Variants in CMYA5 observed in about 807,000 individuals in gnomAD.
CMYA5 encodes the protein cardiomyopathy-associated protein 5.
CMYA5 carries 246 observed loss-of-function variants against 318.9 expected under a neutral mutation model. The ratio of observed to expected loss-of-function variants is 0.77; its 90% confidence interval spans 0.70 to 0.86. The LOEUF (loss-of-function observed/expected upper bound fraction) is 0.86. Ranked by LOEUF, CMYA5 falls within the 40% of genes least tolerant of loss-of-function variation. The probability of loss-of-function intolerance (pLI) is 0.00; values close to 1 mark genes in which losing one functional copy is unlikely to be tolerated. For synonymous variants in CMYA5, 1,641 were observed against 1,729.5 expected, an observed-to-expected ratio of 0.95 and a Z score of 1.27; for missense variants, 4,589 against 4,678.2, an observed-to-expected ratio of 0.98 and a Z score of 0.56.
At chr5:79,742,140 C>T (rs2151089616) in intron 2 of CMYA5, among the ~76,000 whole-genome samples, 1 of 148,360 alleles carries the variant, frequency 6.7e-6, no homozygotes, top group Admixed American at 6.8e-5. Flanking sequence ...TCCTCCCCTT[C>T]TTCCTCCCCC....
At position 79,734,947 on chromosome 5, in the gene CMYA5, A is replaced by C. The variant is rs1041067088; in HGVS notation, c.6182A>C (p.Lys2061Thr). The change falls in exon 2 of 13, where the codon AAG (lysine) becomes ACG (threonine). Residue 2061 changes from lysine (K) to threonine (T), a missense_variant. Lys to Thr is a moderately conservative substitution (Grantham distance 78). This residue lies in a region of CMYA5 where 2,431 missense variants were observed against 2,495.1 expected (regional missense o/e 0.97). Transcript: ENST00000446378. ...PVSGLSVEQV[K>T]SETISSSVKT... ...TCTGGCCTATCAGTGGAACAGGTGA[A>C]GTCAGAAACAATCTCCTCTTCTGTC... is the stretch of plus-strand genomic sequence containing the variant. 2.0e-5 allele frequency: 32 copies of C among 1,613,706 alleles called. No individual in the cohort carries two copies. Among genetic ancestry groups the C allele is most frequent in the Non-Finnish European group, 2.7e-5 (32 of 1,179,798 alleles).
chr5:79,762,132 C>G (rs1200397116), intron 8 of CMYA5, 175 bp downstream of exon 8: 1 of 601,854 alleles, frequency 1.7e-6, no homozygotes, highest in Non-Finnish European at 2.7e-6. Flanking sequence ...AGCTCATGCT[C>G]AGGTGGGGAG....
chr5:79,769,122 C>T (rs1044814229), intron 9 of CMYA5, among the ~76,000 whole-genome samples: 3 of 151,878 alleles, frequency 2.0e-5, no homozygotes, highest in East Asian at 3.9e-4. Context: ...AAGAAGTTCT[C>T]GTGCTGTGTT....
chr5:79,797,272 A>T (rs778932351), intron 12 of CMYA5, among the ~76,000 whole-genome samples: 6 of 152,326 alleles, frequency 3.9e-5, no homozygotes, highest in Non-Finnish European at 8.8e-5. Flanking sequence ...GTCTCTCAGG[A>T]CTAGGGCCTC....
chr5:79,736,406 G>A lies in CMYA5; in HGVS notation c.7641G>A (p.Val2547=). 1.2e-6 allele frequency: 2 copies of A among 1,609,842 alleles called. No individual in the cohort carries two copies. The highest frequency in any genetic ancestry group is 1.7e-6 in the Non-Finnish European group (2 of 1,177,822). ...KGEEKENQVY[V]LSEGKKQQEH... ...AAGAAAAAGAAAATCAGGTATATGTGCTTTCAGAAGGAAAGAAGCAGCAGG... is the reference window on the plus strand; with the variant it reads ...AAGAAAAAGAAAATCAGGTATATGTACTTTCAGAAGGAAAGAAGCAGCAGG... The change falls in exon 2 of 13, where the codon GTG becomes GTA. Residue 2547 remains valine, a synonymous_variant. Coordinates refer to ENST00000446378, the MANE Select transcript of CMYA5 (RefSeq NM_153610.5).
rs201213886 is a variant in CMYA5 at position 79,789,021 on chromosome 5, A to G, written c.11606A>G (p.Asn3869Ser). The G allele has an allele frequency of 4.1e-5, 66 of 1,613,812 alleles. No homozygotes were observed. The highest frequency in any genetic ancestry group is 1.5e-4 in the Admixed American group (9 of 60,004). The change falls in exon 10 of 13, where the codon AAT becomes AGT. Residue 3869 changes from asparagine (N) to serine (S), a missense_variant. Physicochemically the swap from Asn to Ser is conservative, Grantham distance 46. Around this residue, in one of 3 missense-constraint regions of CMYA5, gnomAD observed 2,431 missense variants for 2,495.1 expected, o/e 0.97. Coordinates refer to ENST00000446378, the MANE Select transcript of CMYA5 (RefSeq NM_153610.5). ...GLQLKVNLQP[N>S]DNYFFYVRAI... ...CAGCTGAAAGTTAACCTCCAACCCAATGATAACTACTTTTTCTATGTGAGG... is the reference window on the plus strand; with the variant it reads ...CAGCTGAAAGTTAACCTCCAACCCAGTGATAACTACTTTTTCTATGTGAGG...
intron 1 of CMYA5, among the ~76,000 whole-genome samples, chr5:79,693,900 G>C (rs1827019056): frequency 6.6e-6 from 1 of 152,160 alleles, no homozygotes; most frequent in African/African-American, 2.4e-5. Flanking sequence ...AATATAGCAG[G>C]ATAAATGGGT....
intron 1 of CMYA5, among the ~76,000 whole-genome samples, chr5:79,713,828 C>T (rs1391229532): frequency 2.0e-5 from 3 of 152,134 alleles, no homozygotes; most frequent in South Asian, 4.2e-4. Context: ...TATTTTGGTT[C>T]GGGAGGAGTA....
chr5:79,728,984 G>A lies in CMYA5; in HGVS notation c.219G>A (p.Met73Ile), dbSNP rs1827808309. The A allele has an allele frequency of 2.5e-6, 4 of 1,613,682 alleles. No homozygotes were observed. In the South Asian group the frequency reaches 4.4e-5, roughly 18 times the overall value. Reference sequence around the variant, plus strand: ...TCATATCTGACCCCTCCTTTTCCATGGTGACAGTCCAAAGGGAAGATAGTG... The same window carrying A: ...TCATATCTGACCCCTCCTTTTCCATAGTGACAGTCCAAAGGGAAGATAGTG... ...EYIISDPSFS[M>I]VTVQREDSGI... Residue 73 changes from methionine (M) to isoleucine (I), a missense_variant, in exon 2 of 13, where the codon ATG (methionine) becomes ATA (isoleucine). This residue lies in a region of CMYA5 where 2,132 missense variants were observed against 2,131.3 expected (regional missense o/e 1.00). Transcript: ENST00000446378.
intron 1 of CMYA5, among the ~76,000 whole-genome samples, chr5:79,697,343 T>C (rs563445904): frequency 2.6e-5 from 4 of 152,266 alleles, no homozygotes; most frequent in Admixed American, 2.6e-4. Context: ...TCCTCCTCCA[T>C]CTGCCTACAG....
intron 4 of CMYA5, among the ~76,000 whole-genome samples, chr5:79,746,262 A>G (rs1828320080): frequency 1.3e-5 from 2 of 152,154 alleles, no homozygotes; most frequent in South Asian, 4.1e-4. Flanking sequence ...CCCTTTAGAA[A>G]ACTTTGGAGA....
chr5:79,790,473 G>A (rs2151100580), intron 10 of CMYA5, among the ~76,000 whole-genome samples: 1 of 152,268 alleles, frequency 6.6e-6, no homozygotes, highest in East Asian at 1.9e-4. Flanking sequence ...GTTTCACCAT[G>A]TTGGCCAGGC....
chr5:79,735,181 A>G lies in CMYA5; in HGVS notation c.6416A>G (p.His2139Arg). 2 of 1,613,702 alleles carry G rather than the reference A, an allele frequency of 1.2e-6. No individual in the cohort carries two copies. The highest frequency in any genetic ancestry group is 1.7e-6 in the Non-Finnish European group (2 of 1,179,760). Residue 2139 changes from histidine to arginine, a missense_variant, in exon 2 of 13, where the codon CAT (histidine) becomes CGT (arginine). Coordinates refer to ENST00000446378, the MANE Select transcript of CMYA5 (RefSeq NM_153610.5). ...PTQRKPISSI[H>R]AREPQSPESP... is the part of the protein sequence containing the mutation. Reference sequence around the variant, plus strand: ...CAAAGAAAACCCATCTCCTCAATCCATGCAAGAGAGCCTCAATCCCCAGAG... The same window carrying G: ...CAAAGAAAACCCATCTCCTCAATCCGTGCAAGAGAGCCTCAATCCCCAGAG...
intron 3 of CMYA5, 91 bp from the exon 4 acceptor site, chr5:79,745,131 A>T: frequency 1.3e-6 from 1 of 794,834 alleles, no homozygotes; most frequent in Non-Finnish European, 2.0e-6. Context: ...CCAGAGGTCA[A>T]TTCTTTAAAA....
Position 79,730,924 on chromosome 5 carries a change from C to T in CMYA5, c.2159C>T (p.Pro720Leu), listed in dbSNP as rs755372513. 23 of 1,613,832 alleles carry T rather than the reference C, an allele frequency of 1.4e-5. No individual in the cohort carries two copies. In the South Asian group the frequency reaches 1.4e-4, roughly 10 times the overall value. The change falls in exon 2 of 13, where the codon CCG (proline) becomes CTG (leucine). Residue 720 changes from proline to leucine, a missense_variant. Physicochemically the swap from Pro to Leu is moderately conservative, Grantham distance 98. This residue lies in a region of CMYA5 where 2,132 missense variants were observed against 2,131.3 expected (regional missense o/e 1.00). Coordinates refer to ENST00000446378, the MANE Select transcript of CMYA5 (RefSeq NM_153610.5). ...AAGAAAACAATTGACCGTAAGTCCC[C>T]GTTAATATTGAAAGGTGTTTCTGAG... ...SLKKTIDRKS[P>L]LILKGVSEYM...
At chr5:79,770,422 G>GC (rs11435955) in intron 9 of CMYA5, among the ~76,000 whole-genome samples, 152,274 of 152,298 alleles carry the variant, frequency 1, 76,125 homozygotes, top group Middle Eastern at 1. Flanking sequence ...GAAACCCAGG[G>GC]CCTGGTGGTG....
At chr5:79,691,463 T>C (rs1466584354) in intron 1 of CMYA5, among the ~76,000 whole-genome samples, 1 of 152,196 alleles carries the variant, frequency 6.6e-6, no homozygotes, top group Non-Finnish European at 1.5e-5. Context: ...TTGACAAAGG[T>C]CAAGGCCTTC....
intron 2 of CMYA5, 36 bp from the exon 3 acceptor site, chr5:79,743,791 G>A (rs1321000891): frequency 1.3e-5 from 15 of 1,155,016 alleles, no homozygotes; most frequent in Non-Finnish European, 1.7e-5. Context: ...CTTCCTAAAT[G>A]TCATATACTA....
At chr5:79,768,058 C>T (rs1014568387) in intron 9 of CMYA5, among the ~76,000 whole-genome samples, 1 of 151,900 alleles carries the variant, frequency 6.6e-6, no homozygotes, top group African/African-American at 2.4e-5. Flanking sequence ...ATGTAACGGC[C>T]TTCTTTGTCT....
Sources: gnomAD v4.1 joint callset for allele counts (sites outside exome capture counted in the v4.1 genomes callset) on GRCh38, gnomAD v4.1.1 for gene constraint, gnomAD v4.1.1 regional missense constraint, MANE v1.5 for transcripts, NCBI Gene and HGNC (gene_info 2026-07-23, HGNC 2026-07-21) for gene names.